The following TPX2 variants were observed in gnomAD, a reference collection of about 807,000 sequenced individuals.
TPX2 encodes the protein TPX2 microtubule nucleation factor, also known as targeting protein for Xklp2.
TPX2 carries 21 observed loss-of-function variants against 93.6 expected under a neutral mutation model. The ratio of observed to expected loss-of-function variants is 0.22; its 90% confidence interval spans 0.16 to 0.32. The LOEUF is 0.32. Ranked by LOEUF, TPX2 falls within the 10% of genes least tolerant of loss-of-function variation. The pLI, the probability that TPX2 is intolerant of heterozygous loss-of-function variation, is 1.00. For synonymous variants in TPX2, 281 were observed against 298.3 expected, an observed-to-expected ratio of 0.94 and a Z score of 0.60; for missense variants, 776 against 871.1, an observed-to-expected ratio of 0.89 and a Z score of 1.37.
At chr20:31,766,751 A>G in intron 5 of TPX2, 69 bp downstream of exon 5, 4 of 1,513,420 alleles carry the variant, frequency 2.6e-6, no homozygotes, top group Non-Finnish European at 3.6e-6. Context: ...TGGACAGAAC[A>G]TCTATTATGT....
At chr20:31,782,889 T>TACACACACACACACAC (rs71926112) in intron 11 of TPX2, among the ~76,000 whole-genome samples, 9 of 142,664 alleles carry the variant, frequency 6.3e-5, no homozygotes, top group East Asian at 2.1e-4. Context: ...CATACACACA[T>TACACACACACACACAC]ACACACACAC....
intron 2 of TPX2, among the ~76,000 whole-genome samples, chr20:31,757,063 A>C (rs2061856607): frequency 6.6e-6 from 1 of 152,094 alleles, no homozygotes; most frequent in South Asian, 2.1e-4. Flanking sequence ...AGACAGGGTC[A>C]ACTGTTATAC....
In TPX2 at chr20:31,757,575, A is replaced by G. The variant is rs1280718663; in HGVS notation, c.99A>G (p.Ser33=). 8.7e-6 allele frequency: 14 copies of G among 1,613,462 alleles called. No homozygotes were observed. Among genetic ancestry groups the G allele is most frequent in the South Asian group, 2.2e-5 (2 of 91,040 alleles). The change falls in exon 3 of 18, where the codon TCA becomes TCG. Residue 33 remains serine, a synonymous_variant. Coordinates refer to ENST00000300403, the MANE Select transcript of TPX2 (RefSeq NM_012112.5). ...AAGGAGATACTCAAAACATAGATTC[A>G]TGGTTTGGTAAGTGCCTGCTTTCTC... The part of the protein sequence containing the change: ...DDEGDTQNID[S]WFEEKANLEN...
intron 3 of TPX2, 79 bp from the exon 4 acceptor site, chr20:31,759,978 A>G (rs1321706268): frequency 3.2e-6 from 5 of 1,573,068 alleles, no homozygotes; most frequent in Non-Finnish European, 4.3e-6. Context: ...AGGGAGCTTT[A>G]GTTTGCATTT....
At chr20:31,780,113 G>A (rs938443623) in intron 10 of TPX2, among the ~76,000 whole-genome samples, 1 of 152,102 alleles carries the variant, frequency 6.6e-6, no homozygotes, top group Non-Finnish European at 1.5e-5. Context: ...GTGCAGTGGC[G>A]CGATCTCGAC....
At chr20:31,758,757 G>A (rs1305086566) in intron 3 of TPX2, among the ~76,000 whole-genome samples, 1 of 152,156 alleles carries the variant, frequency 6.6e-6, no homozygotes, top group Non-Finnish European at 1.5e-5. Flanking sequence ...TCGTCTGTTG[G>A]AAGTGGTGTG....
intron 4 of TPX2, among the ~76,000 whole-genome samples, chr20:31,763,126 T>C (rs1415592428): frequency 6.6e-6 from 1 of 152,214 alleles, no homozygotes; most frequent in East Asian, 1.9e-4. Flanking sequence ...AGCTTTGTTC[T>C]CTTTGCATAG....
chr20:31,782,958 A>AAGAACT (rs1462487849), intron 11 of TPX2, among the ~76,000 whole-genome samples: 2 of 151,852 alleles, frequency 1.3e-5, no homozygotes, highest in Non-Finnish European at 2.9e-5. Context: ...GTTGCAGTAG[A>AAGAACT]AGAACTTACT....
intron 17 of TPX2, among the ~76,000 whole-genome samples, chr20:31,799,844 G>T (rs1034898205): frequency 2.7e-5 from 4 of 148,938 alleles, no homozygotes; most frequent in African/African-American, 7.4e-5. Flanking sequence ...AGGTTGCAGT[G>T]AGCCGATTGT....
intron 4 of TPX2, among the ~76,000 whole-genome samples, chr20:31,761,911 A>T (rs749393234): frequency 3.3e-5 from 5 of 152,128 alleles, no homozygotes; most frequent in Non-Finnish European, 4.4e-5. Context: ...ATCCTCAGGG[A>T]TGCAGAGAAA....
intron 3 of TPX2, among the ~76,000 whole-genome samples, chr20:31,759,396 GTTTTTTT>G (rs35468756): frequency 2.0e-5 from 2 of 100,442 alleles, no homozygotes; most frequent in African/African-American, 4.4e-5. Flanking sequence ...GTTTTCTTTC[GTTTTTTT>G]TTTTTTTTTT....
intron 1 of TPX2, among the ~76,000 whole-genome samples, chr20:31,741,843 T>C (rs1037741325): frequency 2.0e-5 from 3 of 150,510 alleles, no homozygotes; most frequent in Non-Finnish European, 4.4e-5. Flanking sequence ...TCAAACTCCT[T>C]ATCTCAGGTG....
At chr20:31,764,155 C>G (rs563472009) in intron 4 of TPX2, among the ~76,000 whole-genome samples, 1 of 148,744 alleles carries the variant, frequency 6.7e-6, no homozygotes, top group African/African-American at 2.5e-5. Flanking sequence ...TGTGTACATA[C>G]ATGTACACAT....
chr20:31,770,501 G>A (rs762986079), intron 6 of TPX2, 30 bp downstream of exon 6: 35 of 1,542,038 alleles, frequency 2.3e-5, no homozygotes, highest in Non-Finnish European at 3.0e-5. Context: ...TACTGCCAAG[G>A]GCAGACATAT....
intron 12 of TPX2, among the ~76,000 whole-genome samples, chr20:31,788,771 T>C (rs771274629): frequency 6.6e-6 from 1 of 152,178 alleles, no homozygotes; most frequent in South Asian, 2.1e-4. Context: ...CTGACCTCTA[T>C]TGGGCAGCCG....
chr20:31,781,875 T>A (rs1286568357), intron 10 of TPX2, among the ~76,000 whole-genome samples: 1 of 150,656 alleles, frequency 6.6e-6, no homozygotes, highest in Non-Finnish European at 1.5e-5. Flanking sequence ...TCCAGGGAGG[T>A]TGGATTTGTA....
chr20:31,798,960 T>C (rs1359886432), intron 17 of TPX2, among the ~76,000 whole-genome samples: 2 of 152,242 alleles, frequency 1.3e-5, no homozygotes, highest in African/African-American at 2.4e-5. Flanking sequence ...TTTTTATTTA[T>C]TTGTTTATTT....
intron 12 of TPX2, among the ~76,000 whole-genome samples, chr20:31,786,593 T>A (rs1367828924): frequency 2.0e-5 from 3 of 152,078 alleles, no homozygotes; most frequent in Non-Finnish European, 4.4e-5. Context: ...TAGTAATGAC[T>A]GGGTTTCGCC....
chr20:31,760,078 A>G lies in TPX2; in HGVS notation c.128A>G (p.Asn43Ser). 1.2e-5 allele frequency: 19 copies of G among 1,613,874 alleles called. No homozygotes were observed. Among genetic ancestry groups the G allele is most frequent in the Non-Finnish European group, 1.5e-5 (18 of 1,179,920 alleles). Residue 43 changes from asparagine (N) to serine (S), a missense_variant, in exon 4 of 18, where the codon AAT becomes AGT. By Grantham distance (46) the Asn-to-Ser change is conservative. This residue lies in a region of TPX2 where 36 missense variants were observed against 58.3 expected (regional missense o/e 0.62). Coordinates refer to ENST00000300403, the MANE Select transcript of TPX2 (RefSeq NM_012112.5). ...SWFEEKANLE[N>S]KLLGKNGTGG... ...ACAGAGGAGAAGGCCAATTTGGAGA[A>G]TAAGTTACTGGGGAAGAATGGAACT... is the stretch of plus-strand genomic sequence containing the variant.
Sources: gnomAD v4.1 joint callset for allele counts (sites outside exome capture counted in the v4.1 genomes callset) on GRCh38, gnomAD v4.1.1 for gene constraint, gnomAD v4.1.1 regional missense constraint, MANE v1.5 for transcripts, NCBI Gene and HGNC (gene_info 2026-07-23, HGNC 2026-07-21) for gene names.